AP1B1: variants seen among roughly 807,000 people sequenced by gnomAD.
AP1B1 encodes AP-1 complex subunit beta-1.
A neutral mutation model predicts 104.3 loss-of-function variants in AP1B1; 36 were observed. That is an observed-to-expected ratio of 0.35 (90% CI 0.26 to 0.46). The LOEUF is 0.46. Ranked by LOEUF, AP1B1 falls within the 20% of genes least tolerant of loss-of-function variation. The pLI is 1.00. For missense variants in AP1B1, 901 were observed against 1,247.9 expected (o/e 0.72, Z 4.19); for synonymous variants, 504 against 517.5 (o/e 0.97, Z 0.35).
At chr22:29,387,032 T>C (rs1299373181) in intron 1 of AP1B1, among the ~76,000 whole-genome samples, 1 of 152,238 alleles carries the variant, frequency 6.6e-6, no homozygotes, top group Non-Finnish European at 1.5e-5. Context: ...TCCTCTCTTT[T>C]TAGACCAAAA....
chr22:29,356,933 T>C (rs1488506351), intron 5 of AP1B1, among the ~76,000 whole-genome samples: 1 of 152,196 alleles, frequency 6.6e-6, no homozygotes, highest in Non-Finnish European at 1.5e-5. Context: ...ACTTCAATGC[T>C]TGTCAGCTGT....
chr22:29,366,883 A>ATCTCT (rs2062150647), intron 2 of AP1B1, among the ~76,000 whole-genome samples: 1 of 124,234 alleles, frequency 8.0e-6, no homozygotes, highest in African/African-American at 3.1e-5. Context: ...CACACACACA[A>ATCTCT]CTGCTGTGGG....
Position 29,328,755 on chromosome 22 carries a change from G to C in AP1B1, c.*66C>G. 1 of 1,549,556 alleles carries C rather than the reference G, an allele frequency of 6.5e-7. No homozygotes were observed. On this transcript the variant is annotated 3_prime_UTR_variant, in exon 23 of 23. Transcript: ENST00000357586. The surrounding 1 kb of genome is among the most constrained non-coding windows in gnomAD (Gnocchi z 4.1). ...TGGTCCCTCCTGCGAGGAGGAAGAT[G>C]TGCTGCCCCCGAGGGGCCTCCTCGA... is the stretch of plus-strand genomic sequence containing the variant.
At chr22:29,345,829 C>A (rs533550152) in intron 11 of AP1B1, among the ~76,000 whole-genome samples, 1 of 152,096 alleles carries the variant, frequency 6.6e-6, no homozygotes, top group South Asian at 2.1e-4. Flanking sequence ...GGATTACAGA[C>A]GCACACCACC....
At chr22:29,329,210 G>GC (rs2061520676) in intron 22 of AP1B1, 2 of 1,222,798 alleles carry the variant, frequency 1.6e-6, no homozygotes, top group South Asian at 3.7e-5. Flanking sequence ...GGGCTGCCCG[G>GC]CCCCCCAGAG....
In AP1B1 at chr22:29,328,681, G is replaced by T; in HGVS notation, c.*140C>A. On this transcript the variant is annotated 3_prime_UTR_variant, in exon 23 of 23. Coordinates refer to ENST00000357586, the MANE Select transcript of AP1B1 (RefSeq NM_001127.4). This position sits in a 1 kb window ranked among gnomAD's most constrained non-coding sequence, Gnocchi z 4.1. ...GTGCCCTACCCCAGGGATCGGGTGG[G>T]TTCTGCCATCAGGACCAGGGAGCCC... is the stretch of plus-strand genomic sequence containing the variant. 1 of 1,091,426 alleles carries T rather than the reference G, an allele frequency of 9.2e-7. No individual in the cohort carries two copies. Among genetic ancestry groups the T allele is most frequent in the Non-Finnish European group, 1.3e-6 (1 of 771,816 alleles). The allele number at this position is 1,091,426 out of a possible 1,614,324, so 67.6% of individuals were successfully genotyped here. A position where few individuals can be genotyped will look rare whatever the true frequency, so the allele number is the denominator to read the frequency against.
Position 29,342,397 on chromosome 22 carries a change from C to T in AP1B1, c.1438-14G>A, listed in dbSNP as rs201979813. 6.9e-5 allele frequency: 111 copies of T among 1,609,634 alleles called. No homozygotes were observed. The highest frequency in any genetic ancestry group is 1.2e-4 in the Admixed American group (7 of 59,908). ...CTGCAGCTGGACCTGCAGGGAACAG[C>T]GGTGACGAGGAGGAAGTGTGGGCCT... On this transcript the variant is annotated splice_polypyrimidine_tract_variant and intron_variant, in intron 11 of 22. Coordinates refer to ENST00000357586, the MANE Select transcript of AP1B1 (RefSeq NM_001127.4).
chr22:29,379,654 C>T lies in AP1B1; in HGVS notation c.-28+8770G>A, dbSNP rs140296217. Among the ~76,000 whole-genome samples the T allele has an allele frequency of 1.3e-4, 20 of 152,240 alleles. 2 individuals are homozygous for T. Among genetic ancestry groups the T allele is most frequent in the African/African-American group, 4.8e-4 (20 of 41,540 alleles). On this transcript the variant is annotated intron_variant, in intron 1 of 22. Coordinates refer to ENST00000357586, the MANE Select transcript of AP1B1 (RefSeq NM_001127.4). ...GCAGGGGAACGGCAGAGTGATCATG[C>T]CTCCAGAGGAGGAGGGTTCTGAGAT...
chr22:29,352,135 T>C (rs2061885894), intron 7 of AP1B1, among the ~76,000 whole-genome samples: 1 of 152,170 alleles, frequency 6.6e-6, no homozygotes, highest in African/African-American at 2.4e-5. Flanking sequence ...CATATCTCAG[T>C]CCCAGTCCCA....
rs564890756 is a variant in AP1B1 at position 29,330,843 on chromosome 22, G to C, written c.2525-134C>G. 45 of 730,330 alleles carry C rather than the reference G, an allele frequency of 6.2e-5. No individual in the cohort carries two copies. The African/African-American group carries it at 7.7e-4, about 12-fold the overall frequency. 45.2% of individuals were successfully genotyped at this position (730,330 alleles called of 1,614,324 possible). On this transcript the variant is annotated intron_variant, in intron 19 of 22. Transcript: ENST00000357586. ...GACAACAGGCACTAGCTGCCGCACAGCCCTCCTGCTTCCCTAAGCACACCC... is the reference window on the plus strand; with the variant it reads ...GACAACAGGCACTAGCTGCCGCACACCCCTCCTGCTTCCCTAAGCACACCC...
chr22:29,336,296 T>C (rs565824382), intron 16 of AP1B1, among the ~76,000 whole-genome samples: 10 of 152,246 alleles, frequency 6.6e-5, no homozygotes, highest in African/African-American at 2.2e-4. Flanking sequence ...ACCTACTGAG[T>C]GATTCTGAAG....
intron 1 of AP1B1, among the ~76,000 whole-genome samples, chr22:29,380,868 CG>C (rs2062425428): frequency 6.6e-6 from 1 of 152,062 alleles, no homozygotes; most frequent in Non-Finnish European, 1.5e-5. Context: ...CGTCTTCCAA[CG>C]GTTCTCTGTC....
At position 29,359,856 on chromosome 22, in the gene AP1B1, T is replaced by C. The variant is rs777427842; in HGVS notation, c.247A>G (p.Met83Val). 9 of 1,613,978 alleles carry C rather than the reference T, an allele frequency of 5.6e-6. No individual in the cohort carries two copies. In the African/African-American group the frequency reaches 8.0e-5, roughly 14 times the overall value. Residue 83 changes from methionine to valine, a missense_variant, in exon 4 of 23, where the codon ATG becomes GTG. This residue lies in a region of AP1B1 where 471 missense variants were observed against 696.7 expected (regional missense o/e 0.68). Transcript: ENST00000357586. ...AAGGTGTTGACGGCCATAATGGCCA[T>C]GTCAGGCTGACTCTTGGCGTAATTC... The part of the protein sequence containing the change: ...LMNYAKSQPD[M>V]AIMAVNTFVK...
Position 29,330,373 on chromosome 22 carries a change from C to T in AP1B1, c.2766+5G>A. The T allele has an allele frequency of 1.2e-6, 2 of 1,613,100 alleles. No homozygotes were observed. The highest frequency in any genetic ancestry group is 1.7e-6 in the Non-Finnish European group (2 of 1,179,756). On this transcript the variant is annotated splice_donor_5th_base_variant and intron_variant, in intron 21 of 22. Transcript: ENST00000357586. ...AGGCTGCAGGGCGGGTGCCGGGGCT[C>T]TCACCGTGCAGCTGGGGTTGCCCGG...
chr22:29,357,437 C>T (rs1400902127), intron 5 of AP1B1, among the ~76,000 whole-genome samples: 1 of 152,150 alleles, frequency 6.6e-6, no homozygotes, highest in Non-Finnish European at 1.5e-5. Flanking sequence ...GCAATCTTGG[C>T]TTACTGCAAC....
intron 1 of AP1B1, among the ~76,000 whole-genome samples, chr22:29,383,216 C>G (rs1366184142): frequency 6.6e-6 from 1 of 152,140 alleles, no homozygotes; most frequent in Non-Finnish European, 1.5e-5. Flanking sequence ...ACCCAATACT[C>G]GGAGATCGGG....
chr22:29,329,776 C>A, intron 21 of AP1B1, 56 bp from the exon 22 acceptor site: 2 of 1,610,454 alleles, frequency 1.2e-6, no homozygotes, highest in South Asian at 1.1e-5. Flanking sequence ...CACAGGGAGA[C>A]GGAAGTTACC....
chr22:29,351,337 T>C, intron 8 of AP1B1, 71 bp from the exon 9 acceptor site: 1 of 1,488,996 alleles, frequency 6.7e-7, no homozygotes, highest in Non-Finnish European at 9.4e-7. Flanking sequence ...TCCTGGGCAG[T>C]GAATATACAC....
chr22:29,357,047 A>C (rs2061969380), intron 5 of AP1B1, among the ~76,000 whole-genome samples: 1 of 146,954 alleles, frequency 6.8e-6, no homozygotes, highest in Non-Finnish European at 1.5e-5. Flanking sequence ...TTCCACTAGG[A>C]AGGTGTTTTT....
Sources: allele counts gnomAD v4.1 joint callset (sites outside exome capture counted in the v4.1 genomes callset), GRCh38; gene constraint gnomAD v4.1.1; regional missense constraint gnomAD v4.1.1; non-coding constraint Gnocchi (gnomAD v3.1); transcripts MANE v1.5; gene names NCBI Gene and HGNC (gene_info 2026-07-23, HGNC 2026-07-21).